RAP1A: variants seen among roughly 807,000 people sequenced by gnomAD.
RAP1A encodes ras-related protein Rap-1A.
RAP1A carries 6 observed loss-of-function variants against 26.4 expected under a neutral mutation model. The observed-to-expected ratio is 0.23, with a 90% CI of 0.12 to 0.45. The LOEUF is 0.45. RAP1A is among the 20% of genes least tolerant of loss of function. The pLI, the probability that RAP1A is intolerant of heterozygous loss-of-function variation, is 0.99. For missense variants in RAP1A, 121 were observed against 217.2 expected, an observed-to-expected ratio of 0.56 and a Z score of 2.78; for synonymous variants, 73 against 79.4, an observed-to-expected ratio of 0.92 and a Z score of 0.43.
intron 1 of RAP1A, among the ~76,000 whole-genome samples, chr1:111,659,060 CTTTCTT>C (rs758510544): frequency 4.5e-4 from 69 of 152,174 alleles, no homozygotes; most frequent in Non-Finnish European, 7.5e-4. Flanking sequence ...CTACTGTTAA[CTTTCTT>C]TTTATTAGTG....
intron 1 of RAP1A, among the ~76,000 whole-genome samples, chr1:111,557,391 A>G (rs1243366886): frequency 6.6e-6 from 1 of 152,154 alleles, no homozygotes; most frequent in Non-Finnish European, 1.5e-5. Flanking sequence ...TACTAAAAAT[A>G]CAAAAACAAT....
At chr1:111,608,123 A>AG (rs1658843126) in intron 1 of RAP1A, 2 of 167,650 alleles carry the variant, frequency 1.2e-5, no homozygotes, top group Admixed American at 6.4e-5. Context: ...TGCCGGGCGG[A>AG]GGGGCTCCTC....
At chr1:111,594,594 G>GGAAGGAAGGAAGGAAGGGAGGA (rs1658530877) in intron 1 of RAP1A, among the ~76,000 whole-genome samples, 10 of 148,492 alleles carry the variant, frequency 6.7e-5, no homozygotes, top group African/African-American at 2.5e-4. Context: ...GGAAGGGAGG[G>GGAAGGAAGGAAGGAAGGGAGGA]AGGAAGGAAG....
exon 1 of RAP1A, chr1:111,542,285 G>A: frequency 1.8e-6 from 1 of 570,344 alleles, no homozygotes; most frequent in Non-Finnish European, 3.3e-6. Context: ...CAGACCTGCC[G>A]GTTCGAACAC....
At chr1:111,570,369 T>C (rs778781868) in intron 1 of RAP1A, among the ~76,000 whole-genome samples, 2 of 152,182 alleles carry the variant, frequency 1.3e-5, no homozygotes, top group African/African-American at 2.4e-5. Context: ...AGTGCATTTT[T>C]TCATGTGCGT....
chr1:111,696,306 A>G (rs1314303617), intron 3 of RAP1A, among the ~76,000 whole-genome samples: 3 of 152,322 alleles, frequency 2.0e-5, no homozygotes, highest in Middle Eastern at 3.4e-3. Flanking sequence ...TTTAGAATTT[A>G]CCTTTAATAG....
chr1:111,630,941 T>G (rs1571510664), intron 1 of RAP1A, among the ~76,000 whole-genome samples: 1 of 152,230 alleles, frequency 6.6e-6, no homozygotes, highest in African/African-American at 2.4e-5. Flanking sequence ...CAGTAGTTTT[T>G]CTAGACATAC....
chr1:111,585,159 A>C (rs968716690), intron 1 of RAP1A, among the ~76,000 whole-genome samples: 1 of 152,206 alleles, frequency 6.6e-6, no homozygotes, highest in African/African-American at 2.4e-5. Flanking sequence ...TCCTCTTTCA[A>C]GTCTGGACAC....
intron 1 of RAP1A, among the ~76,000 whole-genome samples, chr1:111,688,300 T>C (rs1395281971): frequency 8.8e-6 from 1 of 113,648 alleles, no homozygotes; most frequent in Non-Finnish European, 1.8e-5. Context: ...TGTGTGTGTG[T>C]ATATATATTT....
chr1:111,567,193 G>A (rs1657938677), intron 1 of RAP1A, among the ~76,000 whole-genome samples: 1 of 152,146 alleles, frequency 6.6e-6, no homozygotes, highest in Non-Finnish European at 1.5e-5. Context: ...CATTATGAAT[G>A]CAGTTATAAG....
intron 1 of RAP1A, among the ~76,000 whole-genome samples, chr1:111,690,452 G>T (rs1242124734): frequency 6.6e-6 from 1 of 152,200 alleles, no homozygotes. Context: ...CCACTTCCAA[G>T]CTCTGCTTGA....
At chr1:111,566,148 G>A (rs753874843) in intron 1 of RAP1A, among the ~76,000 whole-genome samples, 8 of 152,162 alleles carry the variant, frequency 5.3e-5, no homozygotes, top group Non-Finnish European at 1.0e-4. Flanking sequence ...GGGAGCTACC[G>A]AGGGAAGACA....
At chr1:111,583,350 A>G (rs1444188961) in intron 1 of RAP1A, among the ~76,000 whole-genome samples, 1 of 151,754 alleles carries the variant, frequency 6.6e-6, no homozygotes, top group Non-Finnish European at 1.5e-5. Context: ...CACATCAGTA[A>G]TCCCAGTGGC....
Position 111,704,376 on chromosome 1 carries a change from C to A in RAP1A, c.358C>A (p.Leu120Met). The change falls in exon 6 of 8, where the codon CTG (leucine) becomes ATG (methionine). Residue 120 changes from leucine to methionine, a missense_variant. Coordinates refer to ENST00000369709, the MANE Select transcript of RAP1A (RefSeq NM_002884.4). ...GATTTTGGTTGGCAATAAATGTGAC[C>A]TGGAAGATGAGCGAGTAGTTGGCAA... ...PMILVGNKCDLEDERVVGKEQ... is the reference protein window; with the variant it reads ...PMILVGNKCDMEDERVVGKEQ... 1 of 1,613,644 alleles carries A rather than the reference C, an allele frequency of 6.2e-7. No individual in the cohort carries two copies. The highest frequency in any genetic ancestry group is 8.5e-7 in the Non-Finnish European group (1 of 1,179,824).
At chr1:111,669,449 A>G (rs1377930992) in intron 1 of RAP1A, among the ~76,000 whole-genome samples, 2 of 152,220 alleles carry the variant, frequency 1.3e-5, no homozygotes, top group Non-Finnish European at 2.9e-5. Flanking sequence ...CTTCCTGCCC[A>G]TGAACTGGAA....
In RAP1A at chr1:111,637,561, A is replaced by G. The variant is rs144521872; in HGVS notation, c.-28+17627A>G. The stretch of plus-strand genomic sequence containing the variant: ...AATGCATGCAATAAGCCAAAAGAAA[A>G]ATCACCTTTAATTTTACCTTACAAC... On this transcript the variant is annotated intron_variant, in intron 1 of 7. Transcript: ENST00000369709. Among the ~76,000 whole-genome samples the G allele has an allele frequency of 4.2e-3, 636 of 152,314 alleles. 5 individuals carry two copies. The highest frequency in any genetic ancestry group is 0.014 in the African/African-American group (588 of 41,564).
intron 1 of RAP1A, among the ~76,000 whole-genome samples, chr1:111,544,009 G>A (rs139687171): frequency 3.3e-4 from 51 of 152,242 alleles, no homozygotes; most frequent in African/African-American, 1.2e-3. Flanking sequence ...GTCTCACTAG[G>A]CATCTATTGG....
In RAP1A at chr1:111,709,204, A is replaced by C; in HGVS notation, c.524A>C (p.Lys175Thr). The change falls in exon 7 of 8, where the codon AAG becomes ACG. Residue 175 changes from lysine (K) to threonine (T), a missense_variant. Coordinates refer to ENST00000369709, the MANE Select transcript of RAP1A (RefSeq NM_002884.4). ...INRKTPVEKK[K>T]PKKKSCLLL ...AGGAAAACACCAGTGGAAAAGAAGA[A>C]GCCTAAAAAGAAATCATGTCTGCTG... 6.2e-7 allele frequency: 1 copy of C among 1,613,868 alleles called. No homozygotes were observed. The highest frequency in any genetic ancestry group is 8.5e-7 in the Non-Finnish European group (1 of 1,179,914).
chr1:111,609,080 G>T (rs1189724610), intron 1 of RAP1A, among the ~76,000 whole-genome samples: 1 of 152,214 alleles, frequency 6.6e-6, no homozygotes, highest in African/African-American at 2.4e-5. Flanking sequence ...CTGAGTTTGT[G>T]CTAATCTGTC....
Sources: allele counts gnomAD v4.1 joint callset (sites outside exome capture counted in the v4.1 genomes callset), GRCh38; gene constraint gnomAD v4.1.1; transcripts MANE v1.5; gene names NCBI Gene and HGNC (gene_info 2026-07-23, HGNC 2026-07-21).